The following ANKRD44 variants were observed in gnomAD, a reference collection of about 807,000 sequenced individuals.
The protein encoded by ANKRD44 is ankyrin repeat domain 44, also known as serine/threonine-protein phosphatase 6 regulatory ankyrin repeat subunit B.
ANKRD44 carries 35 observed loss-of-function variants against 116.0 expected under a neutral mutation model. That is an observed-to-expected ratio of 0.30 (90% CI 0.23 to 0.40). The LOEUF is 0.40. ANKRD44 is among the 10% of genes least tolerant of loss of function. The pLI is 1.00. For missense variants in ANKRD44, 1,014 were observed against 1,242.6 expected (o/e 0.82, Z 2.77); for synonymous variants, 435 against 461.8 (o/e 0.94, Z 0.74).
intron 1 of ANKRD44, among the ~76,000 whole-genome samples, chr2:197,193,169 G>C (rs1347899037): frequency 6.6e-6 from 1 of 152,100 alleles, no homozygotes; most frequent in Non-Finnish European, 1.5e-5. Flanking sequence ...CTATGAAATA[G>C]TTACTCAAGG....
At chr2:197,015,081 C>T in intron 17 of ANKRD44, 1 of 243,892 alleles carries the variant, frequency 4.1e-6, no homozygotes, top group Non-Finnish European at 8.3e-6. Flanking sequence ...GGCACATTCA[C>T]AGGTTGTGTG....
intron 25 of ANKRD44, among the ~76,000 whole-genome samples, chr2:196,995,969 CAT>C (rs1015054399): frequency 2.6e-5 from 4 of 152,176 alleles, no homozygotes; most frequent in African/African-American, 9.7e-5. Flanking sequence ...CAGGAAAACT[CAT>C]TGTTTTCTTC....
chr2:197,064,556 C>T (rs946173764), intron 16 of ANKRD44, among the ~76,000 whole-genome samples: 23 of 152,228 alleles, frequency 1.5e-4, no homozygotes, highest in Non-Finnish European at 7.4e-5. Context: ...TCAGGAGACT[C>T]ATCTCATGTG....
In ANKRD44 at chr2:196,988,463, C is replaced by T; in HGVS notation, c.*1128G>A. 2.0e-6 allele frequency: 2 copies of T among 985,352 alleles called. No individual in the cohort carries two copies. Among genetic ancestry groups the T allele is most frequent in the Non-Finnish European group, 2.4e-6 (2 of 829,872 alleles). 61.0% of individuals were successfully genotyped at this position (985,352 alleles called of 1,614,324 possible). ...CAATGGTGGTGGTGTGGAAAATTTT[C>T]AGTGAAATCAATACCAGTTCAATAA... On this transcript the variant is annotated 3_prime_UTR_variant, in exon 28 of 28. Transcript: ENST00000282272.
intron 16 of ANKRD44, among the ~76,000 whole-genome samples, chr2:197,064,438 T>C (rs999844679): frequency 5.9e-5 from 9 of 152,168 alleles, no homozygotes; most frequent in South Asian, 2.1e-4. Context: ...CAGGATCAAA[T>C]TCACACATAA....
chr2:197,139,065 T>C lies in ANKRD44; in HGVS notation c.191-2403A>G, dbSNP rs2079291943. Among the ~76,000 whole-genome samples, 3 of 152,066 alleles carry C rather than the reference T, an allele frequency of 2.0e-5. No individual in the cohort carries two copies. In the South Asian group the frequency reaches 6.2e-4, roughly 32 times the overall value. On this transcript the variant is annotated intron_variant, in intron 3 of 27. Transcript: ENST00000282272. ...CAAGGGTATGGAGCAACAGGAAAAC[T>C]TAACATACAGCTGGCAAGAGTGTGA...
chr2:197,117,695 T>C (rs1407633102), intron 8 of ANKRD44, among the ~76,000 whole-genome samples: 2 of 152,108 alleles, frequency 1.3e-5, no homozygotes, highest in Non-Finnish European at 2.9e-5. Flanking sequence ...ATCCTTACAT[T>C]AGTCTTCAAC....
At chr2:197,019,802 CTT>C (rs1338276226) in intron 17 of ANKRD44, among the ~76,000 whole-genome samples, 2 of 143,652 alleles carry the variant, frequency 1.4e-5, no homozygotes, top group Non-Finnish European at 1.5e-5. Flanking sequence ...TTTTTTCTTT[CTT>C]TTTTTTTTTT....
At chr2:197,153,618 C>A (rs2079721201) in intron 2 of ANKRD44, among the ~76,000 whole-genome samples, 1 of 152,142 alleles carries the variant, frequency 6.6e-6, no homozygotes, top group South Asian at 2.1e-4. Context: ...TGAAATTTTT[C>A]ATGTTTACTT....
Position 197,121,248 on chromosome 2 carries a change from C to T in ANKRD44, c.906+84G>A. 8.2e-6 allele frequency: 11 copies of T among 1,348,376 alleles called. No homozygotes were observed. The South Asian group carries it at 1.1e-4, about 13-fold the overall frequency. The allele number at this position is 1,348,376 out of a possible 1,614,324, so 83.5% of individuals were successfully genotyped here. A position where few individuals can be genotyped will look rare whatever the true frequency, so the allele number is the denominator to read the frequency against. On this transcript the variant is annotated intron_variant, in intron 8 of 27. Transcript: ENST00000282272. ...GCTGTGAGGTTCCAACTCACTAAAA[C>T]ATGGCATAATTTGCAGCAGTTGATT...
chr2:197,202,869 C>T (rs1350614590), intron 1 of ANKRD44, among the ~76,000 whole-genome samples: 5 of 151,736 alleles, frequency 3.3e-5, no homozygotes, highest in East Asian at 3.9e-4. Flanking sequence ...TGAGCCACCA[C>T]GCCTGGCCTT....
rs564602154 is a variant in ANKRD44 at position 197,099,746 on chromosome 2, C to G, written c.1100+70G>C. ...CTGGATAAATGGGAACTATCTACTGCACGGAAGAATCTTTTTGGCAGTATT... is the reference window on the plus strand; with the variant it reads ...CTGGATAAATGGGAACTATCTACTGGACGGAAGAATCTTTTTGGCAGTATT... On this transcript the variant is annotated intron_variant, in intron 10 of 27. Transcript: ENST00000282272. 1.8e-5 allele frequency: 28 copies of G among 1,590,102 alleles called. No homozygotes were observed. The East Asian group carries it at 5.8e-4, about 33-fold the overall frequency.
At chr2:197,273,980 A>AATATATATAT (rs1164251927) in intron 1 of ANKRD44, among the ~76,000 whole-genome samples, 5 of 43,926 alleles carry the variant, frequency 1.1e-4, no homozygotes, top group African/African-American at 4.1e-4. Flanking sequence ...AAAAAAAAAA[A>AATATATATAT]ATATATATAT....
intron 10 of ANKRD44, among the ~76,000 whole-genome samples, chr2:197,092,887 C>T (rs1413012798): frequency 6.6e-6 from 1 of 151,746 alleles, no homozygotes; most frequent in Non-Finnish European, 1.5e-5. Context: ...TTTAAAACCT[C>T]CTTATAAAAT....
At chr2:197,280,844 C>G (rs2083243449) in intron 1 of ANKRD44, among the ~76,000 whole-genome samples, 1 of 152,186 alleles carries the variant, frequency 6.6e-6, no homozygotes, top group Non-Finnish European at 1.5e-5. Flanking sequence ...TCCCAGTAGT[C>G]CATCTCACTA....
At chr2:197,115,840 T>TCTGG (rs1169895533) in intron 8 of ANKRD44, among the ~76,000 whole-genome samples, 1 of 152,080 alleles carries the variant, frequency 6.6e-6, no homozygotes, top group Non-Finnish European at 1.5e-5. Flanking sequence ...CCAGAGTGAA[T>TCTGG]CTGGAATAAC....
rs961075561 is a variant in ANKRD44 at position 197,175,026 on chromosome 2, C to T, written c.111+11997G>A. 3.9e-5 allele frequency among the ~76,000 whole-genome samples: 6 copies of T among 152,096 alleles called. No homozygotes were observed. In the East Asian group the frequency reaches 7.7e-4, roughly 19 times the overall value. On this transcript the variant is annotated intron_variant, in intron 2 of 27. Coordinates refer to ENST00000282272, the MANE Select transcript of ANKRD44 (RefSeq NM_001195144.2). ...TAAAGTAAATATGGCAAAGTGTTAA[C>T]ATTTATTCTTAGTGGTGGGCTCTTG...
At chr2:197,028,167 T>C (rs1342479631) in intron 16 of ANKRD44, among the ~76,000 whole-genome samples, 1 of 152,152 alleles carries the variant, frequency 6.6e-6, no homozygotes, top group Non-Finnish European at 1.5e-5. Context: ...AATATAGTGG[T>C]ATATATTACA....
chr2:197,246,919 C>A (rs2082205489), intron 1 of ANKRD44, among the ~76,000 whole-genome samples: 2 of 152,248 alleles, frequency 1.3e-5, no homozygotes, highest in South Asian at 2.1e-4. Flanking sequence ...AACTTCAAGC[C>A]CAATATTCAC....
Sources: gnomAD v4.1 joint callset for allele counts (sites outside exome capture counted in the v4.1 genomes callset) on GRCh38, gnomAD v4.1.1 for gene constraint, MANE v1.5 for transcripts, NCBI Gene and HGNC (gene_info 2026-07-23, HGNC 2026-07-21) for gene names.